MAN1A2: variants seen among roughly 807,000 people sequenced by gnomAD.
MAN1A2 encodes mannosyl-oligosaccharide 1,2-alpha-mannosidase IB.
In MAN1A2, 26 loss-of-function variants were observed where a neutral mutation model predicts 75.7. The ratio of observed to expected loss-of-function variants is 0.34; its 90% confidence interval spans 0.25 to 0.48. The LOEUF is 0.48. Among genes scored for constraint, MAN1A2 ranks in the 20% least tolerant of loss-of-function variants. The pLI, the probability that MAN1A2 is intolerant of heterozygous loss-of-function variation, is 0.99. For missense variants in MAN1A2, 562 were observed against 775.5 expected, an observed-to-expected ratio of 0.72 and a Z score of 3.27; for synonymous variants, 247 against 264.6, an observed-to-expected ratio of 0.93 and a Z score of 0.65.
intron 11 of MAN1A2, among the ~76,000 whole-genome samples, chr1:117,500,545 C>G (rs1019586780): frequency 2.0e-5 from 3 of 151,802 alleles, no homozygotes; most frequent in Admixed American, 1.3e-4. Context: ...TGGGAGACCA[C>G]AGCCATAACC....
intron 1 of MAN1A2, among the ~76,000 whole-genome samples, chr1:117,371,176 A>T (rs903493620): frequency 2.0e-5 from 3 of 152,216 alleles, no homozygotes; most frequent in Non-Finnish European, 4.4e-5. Context: ...TTTTATTCGG[A>T]ATCTACTTTC....
At chr1:117,435,410 A>G (rs113262295) in intron 5 of MAN1A2, among the ~76,000 whole-genome samples, 1 of 152,338 alleles carries the variant, frequency 6.6e-6, no homozygotes, top group Non-Finnish European at 1.5e-5. Flanking sequence ...TAATAACAAA[A>G]TGCTTTTGCT....
rs1174168735 is a variant in MAN1A2, at chr1:117,470,769, TTTA to T, written c.1168+4350_1168+4352del. 1.1e-4 allele frequency among the ~76,000 whole-genome samples: 17 copies of T among 152,142 alleles called. 1 individual carries two copies. Among genetic ancestry groups the T allele is most frequent in the Middle Eastern group, 6.8e-3 (2 of 294 alleles). ...TCAGCCTCTGAAAAGTATATCAAAT[TTTA>T]TTATTATCTTTGAGCTATATGCATC... On this transcript the variant is annotated intron_variant, in intron 8 of 12. Transcript: ENST00000356554.
intron 8 of MAN1A2, among the ~76,000 whole-genome samples, chr1:117,474,775 A>G (rs1212501703): frequency 2.0e-5 from 3 of 152,010 alleles, no homozygotes; most frequent in Non-Finnish European, 4.4e-5. Context: ...ACCTATGGAA[A>G]TCATGATCAC....
At chr1:117,413,418 GAA>G (rs1484689120) in intron 3 of MAN1A2, among the ~76,000 whole-genome samples, 2 of 151,916 alleles carry the variant, frequency 1.3e-5, no homozygotes, top group East Asian at 3.8e-4. Context: ...GAAAAAGAAA[GAA>G]AAGAGGAGAA....
intron 8 of MAN1A2, among the ~76,000 whole-genome samples, chr1:117,480,723 C>A (rs188391233): frequency 8.6e-5 from 13 of 151,786 alleles, no homozygotes; most frequent in African/African-American, 3.1e-4. Flanking sequence ...TATATTTTTT[C>A]TAACAACATC....
chr1:117,465,223 T>G (rs983773707), intron 7 of MAN1A2, among the ~76,000 whole-genome samples: 1 of 152,030 alleles, frequency 6.6e-6, no homozygotes, highest in African/African-American at 2.4e-5. Context: ...AGCTAGTAAA[T>G]GTGTGGAAAT....
chr1:117,517,201 A>G (rs1047924438), intron 12 of MAN1A2, among the ~76,000 whole-genome samples: 12 of 152,194 alleles, frequency 7.9e-5, no homozygotes, highest in African/African-American at 1.7e-4. Context: ...ATCCCTGAAC[A>G]AAACTCAAGG....
At chr1:117,369,309 T>C (rs920805446) in intron 1 of MAN1A2, among the ~76,000 whole-genome samples, 2 of 152,226 alleles carry the variant, frequency 1.3e-5, no homozygotes, top group Non-Finnish European at 2.9e-5. Context: ...ATGGGAGCTC[T>C]AGTTACAATT....
intron 4 of MAN1A2, among the ~76,000 whole-genome samples, chr1:117,416,875 T>C (rs1453957387): frequency 2.0e-5 from 3 of 152,122 alleles, no homozygotes; most frequent in Non-Finnish European, 1.5e-5. Flanking sequence ...GCCAAGTGCT[T>C]GATATCTGTA....
chr1:117,508,963 C>G (rs1308953216), intron 12 of MAN1A2, among the ~76,000 whole-genome samples: 2 of 151,016 alleles, frequency 1.3e-5, no homozygotes, highest in Non-Finnish European at 3.0e-5. Flanking sequence ...AGTACCAAAA[C>G]TAAGTTTCTA....
intron 5 of MAN1A2, among the ~76,000 whole-genome samples, chr1:117,432,962 GATAAT>G (rs1301398934): frequency 6.7e-6 from 1 of 148,436 alleles, no homozygotes; most frequent in Admixed American, 6.7e-5. Flanking sequence ...TAATATAAAA[GATAAT>G]ATATCAAGAA....
rs369864370 is a variant in MAN1A2 at position 117,368,132 on chromosome 1, A to G, written c.-52A>G. On this transcript the variant is annotated 5_prime_UTR_variant, in exon 1 of 13. Coordinates refer to ENST00000356554, the MANE Select transcript of MAN1A2 (RefSeq NM_006699.5). ...TTGAAGACAGTTCAATGTATTCTAC[A>G]TTTGACATAAGATGAGAACTTTCTA... The G allele has an allele frequency of 3.5e-5, 53 of 1,494,028 alleles. No individual in the cohort carries two copies. The highest frequency in any genetic ancestry group is 4.5e-5 in the Non-Finnish European group (50 of 1,112,778). The allele number at this position is 1,494,028 out of a possible 1,614,324, so 92.5% of individuals were successfully genotyped here.
intron 7 of MAN1A2, 78 bp downstream of exon 7, chr1:117,460,690 A>G: frequency 1.4e-6 from 2 of 1,463,840 alleles, no homozygotes; most frequent in South Asian, 1.6e-5. Context: ...ATTAATGCTT[A>G]AAAGGTTTGC....
intron 1 of MAN1A2, among the ~76,000 whole-genome samples, chr1:117,380,838 A>T (rs577575479): frequency 2.0e-5 from 3 of 152,186 alleles, no homozygotes; most frequent in Non-Finnish European, 4.4e-5. Flanking sequence ...TGCTTTGGCT[A>T]TTTGGAGACC....
chr1:117,395,450 A>G (rs1052830615), intron 1 of MAN1A2, among the ~76,000 whole-genome samples: 8 of 152,222 alleles, frequency 5.3e-5, no homozygotes, highest in South Asian at 2.1e-4. Context: ...AGTTGGTATG[A>G]TAATTAAATA....
At position 117,393,872 on chromosome 1, in the gene MAN1A2, AT is replaced by A. The variant is rs577914264; in HGVS notation, c.303-8312del. 2.0e-5 allele frequency among the ~76,000 whole-genome samples: 3 copies of A among 152,304 alleles called. No homozygotes were observed. In the East Asian group the frequency reaches 5.8e-4, roughly 29 times the overall value. On this transcript the variant is annotated intron_variant, in intron 1 of 12. Coordinates refer to ENST00000356554, the MANE Select transcript of MAN1A2 (RefSeq NM_006699.5). ...AATGAAAGCTGATATAAATAGTGGT[AT>A]TATCATAGAAGAAATAATGTATCAA...
chr1:117,429,266 A>G (rs994676989), intron 5 of MAN1A2, among the ~76,000 whole-genome samples: 3 of 141,862 alleles, frequency 2.1e-5, no homozygotes, highest in Non-Finnish European at 3.1e-5. Flanking sequence ...CCGCCTTTCT[A>G]TTCCACAAAG....
At chr1:117,509,816 CAA>C (rs3835644) in intron 12 of MAN1A2, among the ~76,000 whole-genome samples, 62 of 148,430 alleles carry the variant, frequency 4.2e-4, no homozygotes, top group South Asian at 1.3e-3. Context: ...GAAGAAATGA[CAA>C]AAAAAAAAAA....
Sources: gnomAD v4.1 joint callset for allele counts (sites outside exome capture counted in the v4.1 genomes callset) on GRCh38, gnomAD v4.1.1 for gene constraint, MANE v1.5 for transcripts, NCBI Gene and HGNC (gene_info 2026-07-23, HGNC 2026-07-21) for gene names.